DPYSL2: variants seen among roughly 807,000 people sequenced by gnomAD.
DPYSL2 encodes dihydropyrimidinase like 2, also known as dihydropyrimidinase-related protein 2.
A neutral mutation model predicts 69.9 loss-of-function variants in DPYSL2; 13 were observed. The observed-to-expected ratio is 0.19, with a 90% CI of 0.12 to 0.30. The LOEUF (loss-of-function observed/expected upper bound fraction) is 0.30. DPYSL2 is among the 10% of genes least tolerant of loss of function. The pLI, the probability that DPYSL2 is intolerant of heterozygous loss-of-function variation, is 1.00. For missense variants in DPYSL2, 587 were observed against 918.9 expected (o/e 0.64, Z 4.67); for synonymous variants, 326 against 359.1 (o/e 0.91, Z 1.04).
intron 1 of DPYSL2, chr8:26,548,260 C>A: frequency 4.8e-6 from 1 of 210,356 alleles, no homozygotes; most frequent in Non-Finnish European, 9.8e-6. Flanking sequence ...GGCCTTGGTG[C>A]ACAGGCAAGA....
intron 1 of DPYSL2, among the ~76,000 whole-genome samples, chr8:26,523,874 A>G (rs916472245): frequency 3.9e-5 from 6 of 152,174 alleles, no homozygotes; most frequent in Non-Finnish European, 7.3e-5. Context: ...AAGACTGAAG[A>G]TATTCTATTG....
rs2117594150 is a variant in DPYSL2, at chr8:26,516,705, G to C, written c.354+2026G>C. On this transcript the variant is annotated intron_variant, in intron 1 of 13. Transcript: ENST00000521913. This position sits in a 1 kb window ranked among gnomAD's most constrained non-coding sequence, Gnocchi z 4.8. ...TAGATTGCAATTCACATTGATTTCA[G>C]TTGCCCAGTTATTAGTAACAGAGGG... is the stretch of plus-strand genomic sequence containing the variant. 6.6e-6 allele frequency among the ~76,000 whole-genome samples: 1 copy of C among 152,300 alleles called. No individual in the cohort carries two copies. Among genetic ancestry groups the C allele is most frequent in the African/African-American group, 2.4e-5 (1 of 41,560 alleles).
chr8:26,587,555 G>T lies in DPYSL2; in HGVS notation c.628+3572G>T, dbSNP rs1045207194. On this transcript the variant is annotated intron_variant, in intron 3 of 13. Coordinates refer to ENST00000521913, the MANE Select transcript of DPYSL2 (RefSeq NM_001197293.3). This position sits in a 1 kb window ranked among gnomAD's most constrained non-coding sequence, Gnocchi z 4.2. The stretch of plus-strand genomic sequence containing the variant: ...AGGAAAACACAGCCAAATATTCTCG[G>T]TTTAAAAAAGGAGATGGCATGTCAG... 6.6e-6 allele frequency among the ~76,000 whole-genome samples: 1 copy of T among 152,148 alleles called. No homozygotes were observed. The highest frequency in any genetic ancestry group is 1.5e-5 in the Non-Finnish European group (1 of 68,038).
intron 1 of DPYSL2, among the ~76,000 whole-genome samples, chr8:26,531,228 C>T (rs903877592): frequency 6.6e-6 from 1 of 152,028 alleles, no homozygotes; most frequent in Non-Finnish European, 1.5e-5. Context: ...AATAAGGAAA[C>T]AGCAGAGGAA....
chr8:26,652,172 G>A lies in DPYSL2; in HGVS notation c.1597-85G>A, dbSNP rs1421507219. The A allele has an allele frequency of 1.2e-5, 16 of 1,333,798 alleles. No individual in the cohort carries two copies. The highest frequency in any genetic ancestry group is 1.5e-5 in the Non-Finnish European group (15 of 993,846). The allele number at this position is 1,333,798 out of a possible 1,614,324, so 82.6% of individuals were successfully genotyped here. A position where few individuals can be genotyped will look rare whatever the true frequency, so the allele number is the denominator to read the frequency against. On this transcript the variant is annotated intron_variant, in intron 11 of 13. Coordinates refer to ENST00000521913, the MANE Select transcript of DPYSL2 (RefSeq NM_001197293.3). The surrounding 1 kb of genome is among the most constrained non-coding windows in gnomAD (Gnocchi z 6.3). ...GTCTCTGAGTCTCTCTTTTGTCTCT[G>A]TGGGGTTGGGGCAGTGGGTGCTGCC... is the stretch of plus-strand genomic sequence containing the variant.
chr8:26,532,494 C>T (rs767557785), intron 1 of DPYSL2, among the ~76,000 whole-genome samples: 4 of 152,194 alleles, frequency 2.6e-5, no homozygotes, highest in Non-Finnish European at 4.4e-5. Flanking sequence ...TTTGCATCAT[C>T]CCCAAAAGAA....
At chr8:26,557,547 C>T (rs1275208854) in intron 1 of DPYSL2, among the ~76,000 whole-genome samples, 1 of 140,122 alleles carries the variant, frequency 7.1e-6, no homozygotes, top group Non-Finnish European at 1.5e-5. Context: ...GGGAGCCGAG[C>T]TAGGTGGATC....
chr8:26,599,399 C>T (rs1419342617), intron 3 of DPYSL2, among the ~76,000 whole-genome samples: 1 of 152,184 alleles, frequency 6.6e-6, no homozygotes, highest in Non-Finnish European at 1.5e-5. Flanking sequence ...TTTCCCTCTT[C>T]ATGTATTAGC....
intron 1 of DPYSL2, among the ~76,000 whole-genome samples, chr8:26,529,909 G>A (rs896399342): frequency 1.3e-5 from 2 of 151,322 alleles, no homozygotes; most frequent in Admixed American, 6.6e-5. Flanking sequence ...TCAGGAGTTC[G>A]AGACCAGCCT....
In DPYSL2 at chr8:26,624,285, G is replaced by A; in HGVS notation, c.771G>A (p.Met257Ile). Residue 257 changes from methionine to isoleucine, a missense_variant, in exon 4 of 14, where the codon ATG becomes ATA. Around this residue, in one of 3 missense-constraint regions of DPYSL2, gnomAD observed 452 missense variants for 754.3 expected, o/e 0.60. Transcript: ENST00000521913. The surrounding 1 kb of genome is among the most constrained non-coding windows in gnomAD (Gnocchi z 4.7). ...GGCATAAGGGCATCCAGGAGGAGATGGAAGCGCTTGTGAAGGATCACGGTA... is the reference window on the plus strand; with the variant it reads ...GGCATAAGGGCATCCAGGAGGAGATAGAAGCGCTTGTGAAGGATCACGGTA... ...SEWHKGIQEEMEALVKDHGVN... is the reference protein window; with the variant it reads ...SEWHKGIQEEIEALVKDHGVN... 3 of 1,614,206 alleles carry A rather than the reference G, an allele frequency of 1.9e-6. No homozygotes were observed. The highest frequency in any genetic ancestry group is 2.5e-6 in the Non-Finnish European group (3 of 1,180,024).
In DPYSL2 at chr8:26,560,014, G is replaced by C. The variant is rs1801047564; in HGVS notation, c.355-21955G>C. Among the ~76,000 whole-genome samples, 1 of 152,170 alleles carries C rather than the reference G, an allele frequency of 6.6e-6. No individual in the cohort carries two copies. Among genetic ancestry groups the C allele is most frequent in the Admixed American group, 6.5e-5 (1 of 15,278 alleles). ...TGCTGAGCTGAAACATTGCACAAAA[G>C]TCCTTCCTCCACTTTCCTTTGCCTC... is the stretch of plus-strand genomic sequence containing the variant. On this transcript the variant is annotated intron_variant, in intron 1 of 13. Coordinates refer to ENST00000521913, the MANE Select transcript of DPYSL2 (RefSeq NM_001197293.3). The surrounding 1 kb of genome is among the most constrained non-coding windows in gnomAD (Gnocchi z 4.4).
At chr8:26,567,500 T>C (rs1156281249) in intron 1 of DPYSL2, among the ~76,000 whole-genome samples, 2 of 152,244 alleles carry the variant, frequency 1.3e-5, no homozygotes, top group African/African-American at 2.4e-5. Context: ...AGAGAGAAAG[T>C]ATAGTCTCTG....
intron 1 of DPYSL2, among the ~76,000 whole-genome samples, chr8:26,547,180 T>G (rs1800785083): frequency 1.3e-5 from 2 of 151,766 alleles, no homozygotes; most frequent in African/African-American, 2.4e-5. Context: ...CTGGGCAATG[T>G]GGCGAAATCC....
chr8:26,528,520 G>A lies in DPYSL2; in HGVS notation c.354+13841G>A, dbSNP rs903472436. ...AAATTAGCTGGGCATGGTGACTTGC[G>A]CCTGTAGCCCCAGCTACTCAGGAGG... On this transcript the variant is annotated intron_variant, in intron 1 of 13. Coordinates refer to ENST00000521913, the MANE Select transcript of DPYSL2 (RefSeq NM_001197293.3). Among the ~76,000 whole-genome samples, 83 of 151,970 alleles carry A rather than the reference G, an allele frequency of 5.5e-4. 1 individual carries two copies. Among genetic ancestry groups the A allele is most frequent in the Admixed American group, 4.9e-3 (75 of 15,256 alleles).
In DPYSL2 at chr8:26,597,626, C is replaced by G. The variant is rs1291639228; in HGVS notation, c.628+13643C>G. Among the ~76,000 whole-genome samples the G allele has an allele frequency of 6.6e-6, 1 of 152,076 alleles. No individual in the cohort carries two copies. The highest frequency in any genetic ancestry group is 2.4e-5 in the African/African-American group (1 of 41,414). On this transcript the variant is annotated intron_variant, in intron 3 of 13. Coordinates refer to ENST00000521913, the MANE Select transcript of DPYSL2 (RefSeq NM_001197293.3). This position sits in a 1 kb window ranked among gnomAD's most constrained non-coding sequence, Gnocchi z 5.2. ...AGTAGCTGGGACTACAGGCGCCCGC[C>G]ACCACGCCCAACTAATATTTTGTAT...
In DPYSL2 at chr8:26,597,132, T is replaced by C. The variant is rs1801879593; in HGVS notation, c.628+13149T>C. On this transcript the variant is annotated intron_variant, in intron 3 of 13. Coordinates refer to ENST00000521913, the MANE Select transcript of DPYSL2 (RefSeq NM_001197293.3). The surrounding 1 kb of genome is among the most constrained non-coding windows in gnomAD (Gnocchi z 5.2). ...AGATGCTCACCAAGACGGTGGTATATTGGGTGTCTCTTCTCTCCTACAGAA... is the reference window on the plus strand; with the variant it reads ...AGATGCTCACCAAGACGGTGGTATACTGGGTGTCTCTTCTCTCCTACAGAA... Among the ~76,000 whole-genome samples the C allele has an allele frequency of 6.6e-6, 1 of 152,294 alleles. No individual in the cohort carries two copies. The highest frequency in any genetic ancestry group is 2.4e-5 in the African/African-American group (1 of 41,550).
At position 26,546,324 on chromosome 8, in the gene DPYSL2, T is replaced by A. The variant is rs181593791; in HGVS notation, c.354+31645T>A. Among the ~76,000 whole-genome samples, 480 of 152,316 alleles carry A rather than the reference T, an allele frequency of 3.2e-3. 1 individual carries two copies. The highest frequency in any genetic ancestry group is 0.01 in the African/African-American group (430 of 41,570). On this transcript the variant is annotated intron_variant, in intron 1 of 13. Coordinates refer to ENST00000521913, the MANE Select transcript of DPYSL2 (RefSeq NM_001197293.3). ...TTGCTATACAGGAAAGCAATGGACTTTTGTATATTAACCTTGTATCTTGCA... is the reference window on the plus strand; with the variant it reads ...TTGCTATACAGGAAAGCAATGGACTATTGTATATTAACCTTGTATCTTGCA...
intron 11 of DPYSL2, among the ~76,000 whole-genome samples, chr8:26,649,257 C>A (rs1287629009): frequency 6.6e-6 from 1 of 152,228 alleles, no homozygotes; most frequent in Non-Finnish European, 1.5e-5. Context: ...CTCTTCCCTG[C>A]CAGACTGCAT....
rs1803202399 is a variant in DPYSL2 at position 26,647,765 on chromosome 8, A to C, written c.1561A>C (p.Ser521Arg). ...CGACCTGGTCATCTGGGACCCCGAC[A>C]GCGTTAAAACCATCTCTGCCAAGAC... ...DADLVIWDPD[S>R]VKTISAKTHN... Residue 521 changes from serine to arginine, a missense_variant, in exon 11 of 14, where the codon AGC becomes CGC. Coordinates refer to ENST00000521913, the MANE Select transcript of DPYSL2 (RefSeq NM_001197293.3). The surrounding 1 kb of genome is among the most constrained non-coding windows in gnomAD (Gnocchi z 5.1). The C allele has an allele frequency of 6.2e-7, 1 of 1,614,106 alleles. No homozygotes were observed. Among genetic ancestry groups the C allele is most frequent in the Non-Finnish European group, 8.5e-7 (1 of 1,179,992 alleles).
Sources: allele counts gnomAD v4.1 joint callset (sites outside exome capture counted in the v4.1 genomes callset), GRCh38; gene constraint gnomAD v4.1.1; regional missense constraint gnomAD v4.1.1; non-coding constraint Gnocchi (gnomAD v3.1); transcripts MANE v1.5; gene names NCBI Gene and HGNC (gene_info 2026-07-23, HGNC 2026-07-21).